Variants in MTMR7 observed in about 807,000 individuals in gnomAD.
MTMR7 encodes the protein phosphatidylinositol-3-phosphate phosphatase MTMR7.
MTMR7 carries 76 observed loss-of-function variants against 81.2 expected under a neutral mutation model. The ratio of observed to expected loss-of-function variants is 0.94; its 90% CI spans 0.78 to 1.13. MTMR7 has a LOEUF of 1.13. MTMR7 is among the 50% of genes most tolerant of loss of function. MTMR7 has a pLI of 0.00. For synonymous variants in MTMR7, 372 were observed against 289.8 expected (o/e 1.28, Z -2.88); for missense variants, 1,044 against 820.0 (o/e 1.27, Z -3.34).
In MTMR7 at chr8:17,393,083, T is replaced by C. The variant is rs965022586; in HGVS notation, c.25-19843A>G. Among the ~76,000 whole-genome samples the C allele has an allele frequency of 4.6e-5, 7 of 152,282 alleles. No homozygotes were observed. In the South Asian group the frequency reaches 1.0e-3, roughly 23 times the overall value. On this transcript the variant is annotated intron_variant, in intron 1 of 13. Transcript: ENST00000180173. ...GGTATTGGCTAAGGATAGACAAAGATATTAAAGGAATAGAACTGAGAGTCC... is the reference window on the plus strand; with the variant it reads ...GGTATTGGCTAAGGATAGACAAAGACATTAAAGGAATAGAACTGAGAGTCC...
rs762113529 is a variant in MTMR7, at chr8:17,413,297, G to A, written c.-5C>T. The stretch of plus-strand genomic sequence containing the variant: ...GGGCGTACGGATGTGCTCCATGGCT[G>A]GCCCACGTCTGCAGGGTCCCGGGCG... On this transcript the variant is annotated 5_prime_UTR_variant, in exon 1 of 14. Transcript: ENST00000180173. The A allele has an allele frequency of 2.5e-5, 38 of 1,545,232 alleles. No individual in the cohort carries two copies. Among genetic ancestry groups the A allele is most frequent in the South Asian group, 4.8e-5 (4 of 83,830 alleles).
At chr8:17,313,533 A>C in intron 7 of MTMR7, 132 bp from the exon 8 acceptor site, 1 of 567,134 alleles carries the variant, frequency 1.8e-6, no homozygotes, top group Non-Finnish European at 3.1e-6. Context: ...GCCTTAAGTC[A>C]AAATAAATAC....
chr8:17,360,842 G>T (rs906649696), intron 4 of MTMR7, among the ~76,000 whole-genome samples: 6 of 152,100 alleles, frequency 3.9e-5, no homozygotes, highest in African/African-American at 1.4e-4. Flanking sequence ...CCAACTGCCT[G>T]TCCACAAGGC....
intron 7 of MTMR7, among the ~76,000 whole-genome samples, chr8:17,330,596 C>T (rs1818949632): frequency 6.6e-6 from 1 of 152,192 alleles, no homozygotes; most frequent in African/African-American, 2.4e-5. Context: ...AATTTCCTGT[C>T]CACACGAGTA....
In MTMR7 at chr8:17,395,927, T is replaced by A. The variant is rs1485336055; in HGVS notation, c.24+17342A>T. Among the ~76,000 whole-genome samples, 3 of 152,192 alleles carry A rather than the reference T, an allele frequency of 2.0e-5. No individual in the cohort carries two copies. The East Asian group carries it at 5.8e-4, about 29-fold the overall frequency. On this transcript the variant is annotated intron_variant, in intron 1 of 13. Transcript: ENST00000180173. ...TCCAGTATACTTTTAAATACAACATTCTTCTCATACTGGGAAATGTATTTA... is the reference window on the plus strand; with the variant it reads ...TCCAGTATACTTTTAAATACAACATACTTCTCATACTGGGAAATGTATTTA...
chr8:17,302,580 GCT>G lies in MTMR7; in HGVS notation c.1494-302_1494-301del, dbSNP rs556432458. Among the ~76,000 whole-genome samples, 29 of 151,466 alleles carry G rather than the reference GCT, an allele frequency of 1.9e-4. 1 individual carries two copies. The South Asian group carries it at 5.8e-3, about 30-fold the overall frequency. On this transcript the variant is annotated intron_variant, in intron 12 of 13. Transcript: ENST00000180173. ...GTAACCATTACCTTTTAAGAAAATG[GCT>G]CTTAGTTTTGAACTTTGAAATTGTA...
chr8:17,345,834 C>T (rs1019848692), intron 5 of MTMR7, among the ~76,000 whole-genome samples: 3 of 152,182 alleles, frequency 2.0e-5, no homozygotes, highest in Admixed American at 6.5e-5. Context: ...ATCTCACCAC[C>T]AAAATCAAAA....
intron 6 of MTMR7, among the ~76,000 whole-genome samples, chr8:17,334,662 G>T (rs1002308874): frequency 2.6e-5 from 4 of 152,206 alleles, no homozygotes; most frequent in Admixed American, 6.5e-5. Context: ...GCGTTAAGTG[G>T]AATCAAAAGA....
At chr8:17,302,347 T>A (rs1365705308) in intron 12 of MTMR7, 67 bp from the exon 13 acceptor site, 3 of 1,525,628 alleles carry the variant, frequency 2.0e-6, no homozygotes, top group Non-Finnish European at 2.6e-6. Flanking sequence ...TCCTCAAGTC[T>A]TCTAAGGTAT....
At chr8:17,368,239 G>A (rs746565759) in intron 3 of MTMR7, among the ~76,000 whole-genome samples, 1 of 152,120 alleles carries the variant, frequency 6.6e-6, no homozygotes, top group Non-Finnish European at 1.5e-5. Context: ...TAGAGCTCAC[G>A]CTTGCACGCC....
chr8:17,337,257 C>T (rs895765915), intron 6 of MTMR7, among the ~76,000 whole-genome samples: 1 of 150,244 alleles, frequency 6.7e-6, no homozygotes, highest in Admixed American at 6.7e-5. Flanking sequence ...CCCAGCTACT[C>T]GGGAGGCTGA....
chr8:17,340,104 A>G (rs1049332806), intron 6 of MTMR7, among the ~76,000 whole-genome samples: 1 of 152,232 alleles, frequency 6.6e-6, no homozygotes, highest in Admixed American at 6.5e-5. Flanking sequence ...GGCATGCACC[A>G]TGATGCCCAG....
In MTMR7 at chr8:17,297,714, A is replaced by G. The variant is rs1221121163; in HGVS notation, c.*2148T>C. 1 of 152,016 alleles carries G rather than the reference A, an allele frequency of 6.6e-6. No individual in the cohort carries two copies. Among genetic ancestry groups the G allele is most frequent in the East Asian group, 1.9e-4 (1 of 5,188 alleles). The allele number at this position is 152,016 out of a possible 1,614,324, so 9.4% of individuals were successfully genotyped here. On this transcript the variant is annotated 3_prime_UTR_variant, in exon 14 of 14. Transcript: ENST00000180173. ...ACTTCCTGATTAATGTTTGATTATT[A>G]GATATTTTAGTCTTGTTGGGGATAT...
intron 1 of MTMR7, among the ~76,000 whole-genome samples, chr8:17,386,887 C>G (rs1368130809): frequency 1.3e-5 from 2 of 152,166 alleles, no homozygotes; most frequent in Non-Finnish European, 1.5e-5. Context: ...CAGAGGGAGC[C>G]TGGGAGAGTG....
rs1029900547 is a variant in MTMR7 at position 17,296,988 on chromosome 8, A to G, written c.*2874T>C. 6.6e-6 allele frequency: 1 copy of G among 152,202 alleles called. No homozygotes were observed. The highest frequency in any genetic ancestry group is 1.5e-5 in the Non-Finnish European group (1 of 68,028). 9.4% of individuals were successfully genotyped at this position (152,202 alleles called of 1,614,324 possible). On this transcript the variant is annotated 3_prime_UTR_variant, in exon 14 of 14. Transcript: ENST00000180173. ...CCACGATGAAAAGAATCTGCATTTGAATATGCCCGTATGAATGTGGGTTCT... is the reference window on the plus strand; with the variant it reads ...CCACGATGAAAAGAATCTGCATTTGGATATGCCCGTATGAATGTGGGTTCT...
chr8:17,384,643 C>T (rs1820872026), intron 1 of MTMR7, among the ~76,000 whole-genome samples: 1 of 152,136 alleles, frequency 6.6e-6, no homozygotes, highest in African/African-American at 2.4e-5. Flanking sequence ...GTAGAATTGC[C>T]ATGATCTCTT....
At chr8:17,340,423 C>T (rs1357846400) in intron 6 of MTMR7, among the ~76,000 whole-genome samples, 1 of 152,220 alleles carries the variant, frequency 6.6e-6, no homozygotes, top group Non-Finnish European at 1.5e-5. Flanking sequence ...AGTGCAATTG[C>T]AAATAAGCTG....
At chr8:17,309,142 C>G (rs1817649950) in intron 10 of MTMR7, 135 bp downstream of exon 10, 1 of 638,242 alleles carries the variant, frequency 1.6e-6, no homozygotes, top group Non-Finnish European at 2.8e-6. Flanking sequence ...ATGACATATA[C>G]AACAAAATTT....
chr8:17,364,189 C>A (rs1820150478), intron 3 of MTMR7, among the ~76,000 whole-genome samples: 1 of 151,702 alleles, frequency 6.6e-6, no homozygotes, highest in Non-Finnish European at 1.5e-5. Flanking sequence ...GCCACCACGC[C>A]CGGCTAATTT....
Sources: allele counts gnomAD v4.1 joint callset (sites outside exome capture counted in the v4.1 genomes callset), GRCh38; gene constraint gnomAD v4.1.1; transcripts MANE v1.5; gene names NCBI Gene and HGNC (gene_info 2026-07-23, HGNC 2026-07-21).